PTTG1IP: variants seen among roughly 807,000 people sequenced by gnomAD.
PTTG1IP encodes PTTG1 interacting protein.
In PTTG1IP, 16 loss-of-function variants were observed where a neutral mutation model predicts 24.4. The ratio of observed to expected loss-of-function variants is 0.66; its 90% CI spans 0.44 to 1.00. The LOEUF (loss-of-function observed/expected upper bound fraction) is 1.00. PTTG1IP is among the 50% of genes least tolerant of loss of function. The probability of loss-of-function intolerance (pLI) is 0.00; values close to 1 mark genes in which losing one functional copy is unlikely to be tolerated. For missense variants in PTTG1IP, 241 were observed against 245.8 expected (o/e 0.98, Z 0.13); for synonymous variants, 89 against 96.8 (o/e 0.92, Z 0.47).
chr21:44,853,160 G>T (rs928814726), intron 5 of PTTG1IP, among the ~76,000 whole-genome samples: 1 of 152,086 alleles, frequency 6.6e-6, no homozygotes, highest in Admixed American at 6.5e-5. Context: ...TGGGCAGTGT[G>T]TGCGTGTGTG....
intron 1 of PTTG1IP, among the ~76,000 whole-genome samples, chr21:44,866,106 C>T (rs985512864): frequency 1.4e-4 from 22 of 152,012 alleles, no homozygotes; most frequent in African/African-American, 5.1e-4. Flanking sequence ...TCAAACTCCA[C>T]GCAGCCAACA....
intron 5 of PTTG1IP, among the ~76,000 whole-genome samples, chr21:44,853,920 G>A (rs1380171463): frequency 2.6e-5 from 4 of 152,194 alleles, no homozygotes; most frequent in Non-Finnish European, 2.9e-5. Flanking sequence ...CTTCGAGACC[G>A]GCAGGACTCA....
rs1258519182 is a variant in PTTG1IP at position 44,861,249 on chromosome 21, T to C, written c.191A>G (p.Lys64Arg). The C allele has an allele frequency of 6.2e-7, 1 of 1,613,908 alleles. No homozygotes were observed. The highest frequency in any genetic ancestry group is 2.2e-5 in the East Asian group (1 of 44,876). ...TGTAACTGGGTAGTCCAGACAAGCC[T>C]TGTTAGTGTTGCACCAAAGACACTG... The part of the protein sequence containing the change: ...NVSCLWCNTN[K>R]ACLDYPVTSV... The change falls in exon 3 of 6, where the codon AAG becomes AGG. Residue 64 changes from lysine (K) to arginine (R), a missense_variant. Coordinates refer to ENST00000330938, the MANE Select transcript of PTTG1IP (RefSeq NM_004339.4).
At chr21:44,856,487 C>T (rs954066507) in intron 3 of PTTG1IP, 123 bp from the exon 4 acceptor site, 11 of 1,116,604 alleles carry the variant, frequency 9.9e-6, no homozygotes, top group Admixed American at 8.5e-5. Context: ...AAAGCCGCCT[C>T]GGCCAGGCTG....
At chr21:44,861,796 G>C (rs1215402998) in intron 2 of PTTG1IP, 1 of 717,558 alleles carries the variant, frequency 1.4e-6, no homozygotes, top group South Asian at 1.5e-5. Flanking sequence ...TTCACTGGCT[G>C]AAGTCTCCCA....
rs73374531 is a variant in PTTG1IP at position 44,860,417 on chromosome 21, T to G, written c.277+746A>C. Among the ~76,000 whole-genome samples the G allele has an allele frequency of 3.9e-3, 599 of 152,022 alleles. 3 individuals are homozygous for G. The highest frequency in any genetic ancestry group is 0.014 in the African/African-American group (568 of 41,402). ...TTGAATCTCACAAGAGCTGATTTCCTTAATTTAAAAACGCCTCCAAAATCA... is the reference window on the plus strand; with the variant it reads ...TTGAATCTCACAAGAGCTGATTTCCGTAATTTAAAAACGCCTCCAAAATCA... On this transcript the variant is annotated intron_variant, in intron 3 of 5. Coordinates refer to ENST00000330938, the MANE Select transcript of PTTG1IP (RefSeq NM_004339.4).
intron 1 of PTTG1IP, among the ~76,000 whole-genome samples, chr21:44,867,845 C>T (rs757758744): frequency 6.6e-6 from 1 of 152,246 alleles, no homozygotes; most frequent in African/African-American, 2.4e-5. Context: ...TACAATTTCA[C>T]TCATTACGTT....
At chr21:44,866,209 A>AACAC (rs35473745) in intron 1 of PTTG1IP, among the ~76,000 whole-genome samples, 1,297 of 124,472 alleles carry the variant, frequency 0.01, 42 homozygotes, top group African/African-American at 0.037. Flanking sequence ...CCAATCCTGT[A>AACAC]ACACACACAC....
chr21:44,857,159 A>C (rs1272420839), intron 3 of PTTG1IP, among the ~76,000 whole-genome samples: 1 of 152,232 alleles, frequency 6.6e-6, no homozygotes, highest in African/African-American at 2.4e-5. Flanking sequence ...ACTTTTGCAA[A>C]TGTGTTTTCA....
intron 5 of PTTG1IP, among the ~76,000 whole-genome samples, chr21:44,852,945 T>G (rs952117470): frequency 2.0e-5 from 3 of 152,156 alleles, no homozygotes; most frequent in Non-Finnish European, 2.9e-5. Flanking sequence ...TATTACAAAC[T>G]GGCACAAAAA....
At position 44,873,513 on chromosome 21, in the gene PTTG1IP, G is replaced by A. The variant is rs2083607983; in HGVS notation, c.104C>T (p.Pro35Leu). 5 of 1,455,998 alleles carry A rather than the reference G, an allele frequency of 3.4e-6. No individual in the cohort carries two copies. The highest frequency in any genetic ancestry group is 1.5e-5 in the African/African-American group (1 of 67,506). The allele number at this position is 1,455,998 out of a possible 1,614,324, so 90.2% of individuals were successfully genotyped here. A position where few individuals can be genotyped will look rare whatever the true frequency, so the allele number is the denominator to read the frequency against. Residue 35 changes from proline to leucine, a missense_variant, in exon 1 of 6, where the codon CCT becomes CTT. Coordinates refer to ENST00000330938, the MANE Select transcript of PTTG1IP (RefSeq NM_004339.4). ...LLIPVAAAQE[P>L]PGAACSQNTN... Reference sequence around the variant, plus strand: ...CCCGGCGCCCTCACCAGCTCCGGGAGGCTCCTGCGCGGCGGCCACCGGGAT... The same window carrying A: ...CCCGGCGCCCTCACCAGCTCCGGGAAGCTCCTGCGCGGCGGCCACCGGGAT...
Position 44,851,229 on chromosome 21 carries a change from C to T in PTTG1IP, c.*352G>A, listed in dbSNP as rs1454278096. On this transcript the variant is annotated 3_prime_UTR_variant, in exon 6 of 6. Transcript: ENST00000330938. The stretch of plus-strand genomic sequence containing the variant: ...GCTTGTTAGTGGACAGAGAGAAACG[C>T]AGGGTTCTGCCCTGGGAGAATGACA... 3 of 1,104,296 alleles carry T rather than the reference C, an allele frequency of 2.7e-6. No individual in the cohort carries two copies. Among genetic ancestry groups the T allele is most frequent in the African/African-American group, 3.2e-5 (2 of 62,914 alleles). 68.4% of individuals were successfully genotyped at this position (1,104,296 alleles called of 1,614,324 possible). A position where few individuals can be genotyped will look rare whatever the true frequency, so the allele number is the denominator to read the frequency against.
intron 5 of PTTG1IP, among the ~76,000 whole-genome samples, chr21:44,853,881 C>T (rs372291876): frequency 6.6e-6 from 1 of 152,220 alleles, no homozygotes; most frequent in African/African-American, 2.4e-5. Flanking sequence ...GGCCAGCAGC[C>T]AAGGCAGCCT....
intron 1 of PTTG1IP, 50 bp downstream of exon 1, chr21:44,873,452 C>A (rs1251812018): frequency 6.7e-5 from 89 of 1,320,354 alleles, no homozygotes; most frequent in Non-Finnish European, 8.4e-5. Flanking sequence ...GACCTGGACC[C>A]ACCAGCCGCC....
chr21:44,858,171 C>T (rs753783301), intron 3 of PTTG1IP, among the ~76,000 whole-genome samples: 6 of 152,218 alleles, frequency 3.9e-5, no homozygotes, highest in Non-Finnish European at 5.9e-5. Flanking sequence ...TCTGGACAAA[C>T]GGCCAACGCT....
At chr21:44,873,379 C>T (rs1031848180) in intron 1 of PTTG1IP, 123 bp downstream of exon 1, 7 of 992,436 alleles carry the variant, frequency 7.1e-6, no homozygotes, top group Non-Finnish European at 6.3e-6. Flanking sequence ...GCGCTGCCTG[C>T]GACCGTGGGC....
At chr21:44,862,175 G>A (rs539334025) in intron 2 of PTTG1IP, among the ~76,000 whole-genome samples, 12 of 152,348 alleles carry the variant, frequency 7.9e-5, no homozygotes, top group African/African-American at 1.7e-4. Flanking sequence ...GGCACTGAGC[G>A]TGACAGGGGA....
intron 1 of PTTG1IP, among the ~76,000 whole-genome samples, chr21:44,869,043 G>A (rs751997326): frequency 2.0e-5 from 3 of 152,210 alleles, no homozygotes; most frequent in East Asian, 1.9e-4. Context: ...TCACTGTGCC[G>A]TGCTCCTGCC....
chr21:44,857,282 G>A lies in PTTG1IP; in HGVS notation c.278-918C>T, dbSNP rs555957946. ...GCTTGAGCCCAGGAGTTCAACACCC[G>A]CCCAGCCAACAAAGTGAGACCCAGC... On this transcript the variant is annotated intron_variant, in intron 3 of 5. Coordinates refer to ENST00000330938, the MANE Select transcript of PTTG1IP (RefSeq NM_004339.4). Among the ~76,000 whole-genome samples the A allele has an allele frequency of 1.1e-4, 16 of 152,232 alleles. No individual in the cohort carries two copies. In the South Asian group the frequency reaches 1.9e-3, roughly 18 times the overall value.
Sources: allele counts gnomAD v4.1 joint callset (sites outside exome capture counted in the v4.1 genomes callset), GRCh38; gene constraint gnomAD v4.1.1; transcripts MANE v1.5; gene names NCBI Gene and HGNC (gene_info 2026-07-23, HGNC 2026-07-21).